The following MAPK6 variants were observed in gnomAD, a reference collection of about 807,000 sequenced individuals.
MAPK6 encodes ERK-3.
Under a neutral mutation model 59.3 loss-of-function variants are expected in MAPK6, and 19 were observed. That is an observed-to-expected ratio of 0.32 (90% CI 0.22 to 0.47). MAPK6 has a LOEUF of 0.47. Ranked by LOEUF, MAPK6 falls within the 20% of genes least tolerant of loss-of-function variation. MAPK6 has a pLI of 1.00. For synonymous variants in MAPK6, 316 were observed against 290.3 expected (o/e 1.09, Z -0.90); for missense variants, 724 against 847.9 (o/e 0.85, Z 1.81).
chr15:52,059,664 A>C (rs2032120223), intron 4 of MAPK6, among the ~76,000 whole-genome samples: 2 of 152,174 alleles, frequency 1.3e-5, no homozygotes, highest in African/African-American at 4.8e-5. Context: ...TCGTACCCTC[A>C]TTAGGGTGGG....
intron 2 of MAPK6, among the ~76,000 whole-genome samples, chr15:52,000,634 C>T (rs965505903): frequency 2.6e-5 from 4 of 151,980 alleles, no homozygotes; most frequent in African/African-American, 9.7e-5. Flanking sequence ...GGTGAAACTC[C>T]GTCTCTACTG....
chr15:51,987,946 A>G (rs942640986), intron 2 of MAPK6, among the ~76,000 whole-genome samples: 1 of 151,942 alleles, frequency 6.6e-6, no homozygotes, highest in African/African-American at 2.4e-5. Context: ...TTGTATTTTT[A>G]GTAGAGACAG....
At chr15:52,023,972 A>T (rs1365649026) in intron 1 of MAPK6, among the ~76,000 whole-genome samples, 1 of 152,228 alleles carries the variant, frequency 6.6e-6, no homozygotes, top group African/African-American at 2.4e-5. Flanking sequence ...ATTTCTAAAA[A>T]ATTGTTCAGA....
chr15:51,977,939 G>A (rs2057161987), intron 1 of MAPK6, among the ~76,000 whole-genome samples: 1 of 151,752 alleles, frequency 6.6e-6, no homozygotes, highest in South Asian at 2.1e-4. Context: ...ACCATAAATG[G>A]GTGCTGTGGC....
At chr15:52,034,246 A>G (rs1290240025) in intron 1 of MAPK6, among the ~76,000 whole-genome samples, 2 of 151,546 alleles carry the variant, frequency 1.3e-5, no homozygotes, top group African/African-American at 4.9e-5. Context: ...CAGCCTCCCA[A>G]AGTGCTGGGA....
chr15:52,007,751 T>C (rs1467168647), intron 3 of MAPK6, among the ~76,000 whole-genome samples: 3 of 151,076 alleles, frequency 2.0e-5, no homozygotes, highest in Non-Finnish European at 4.4e-5. Context: ...CAAAATGACA[T>C]AATTTCTATT....
chr15:51,991,645 G>T (rs1004159377), intron 2 of MAPK6, among the ~76,000 whole-genome samples: 1 of 152,170 alleles, frequency 6.6e-6, no homozygotes, highest in Admixed American at 6.5e-5. Flanking sequence ...ATCAGAAAAG[G>T]CTATGTCATA....
intron 2 of MAPK6, among the ~76,000 whole-genome samples, chr15:52,002,337 A>G (rs1028421499): frequency 2.6e-5 from 4 of 152,172 alleles, no homozygotes; most frequent in Non-Finnish European, 5.9e-5. Context: ...TCTGGGTTCC[A>G]TCTATTACCA....
At chr15:52,011,510 G>A (rs2030057388) in intron 3 of MAPK6, 1 of 152,248 alleles carries the variant, frequency 6.6e-6, no homozygotes, top group Non-Finnish European at 1.5e-5. Context: ...TCAGGCATGA[G>A]TTACAGTGCT....
At chr15:52,051,592 G>T (rs2031783172) in intron 3 of MAPK6, among the ~76,000 whole-genome samples, 1 of 152,112 alleles carries the variant, frequency 6.6e-6, no homozygotes, top group African/African-American at 2.4e-5. Flanking sequence ...TAAAATTTCT[G>T]TCTGGGCTCA....
intron 4 of MAPK6, 132 bp downstream of exon 4, chr15:52,058,929 G>A (rs189527555): frequency 2.0e-5 from 12 of 610,164 alleles, no homozygotes; most frequent in South Asian, 1.1e-4. Flanking sequence ...TAAGGTGTAC[G>A]TAAAACTTCA....
intron 1 of MAPK6, among the ~76,000 whole-genome samples, chr15:51,980,015 C>T (rs2057168531): frequency 6.6e-6 from 1 of 151,738 alleles, no homozygotes; most frequent in Non-Finnish European, 1.5e-5. Context: ...AGTAGAAGGG[C>T]CGGGCGCGGT....
In MAPK6 at chr15:52,061,325, A is replaced by T; in HGVS notation, c.892A>T (p.Thr298Ser). ...ACTGGATTTCCTGGAACAAATTTTGACATTTAGCCCCATGGATCGGTTAAC... is the reference window on the plus strand; with the variant it reads ...ACTGGATTTCCTGGAACAAATTTTGTCATTTAGCCCCATGGATCGGTTAAC... ...EALDFLEQIL[T>S]FSPMDRLTAE... Residue 298 changes from threonine to serine, a missense_variant, in exon 5 of 6, where the codon ACA (threonine) becomes TCA (serine). This residue lies in a region of MAPK6 where 502 missense variants were observed against 507.6 expected (regional missense o/e 0.99). Coordinates refer to ENST00000261845, the MANE Select transcript of MAPK6 (RefSeq NM_002748.4). The T allele has an allele frequency of 1.2e-6, 2 of 1,614,064 alleles. No homozygotes were observed. Among genetic ancestry groups the T allele is most frequent in the Non-Finnish European group, 1.7e-6 (2 of 1,179,948 alleles).
chr15:52,054,747 C>CAG (rs2031905162), intron 3 of MAPK6, among the ~76,000 whole-genome samples: 1 of 149,954 alleles, frequency 6.7e-6, no homozygotes, highest in Non-Finnish European at 1.5e-5. Context: ...CACACACACA[C>CAG]ACATATACAC....
At chr15:52,009,636 T>C (rs1433837865) in intron 3 of MAPK6, among the ~76,000 whole-genome samples, 1 of 152,226 alleles carries the variant, frequency 6.6e-6, no homozygotes, top group Non-Finnish European at 1.5e-5. Flanking sequence ...TTTATAAAAT[T>C]ATTCCAATAG....
rs2032350956 is a variant in MAPK6 at position 52,064,841 on chromosome 15, C to CT, written c.2010dup (p.Asn671Ter). On this transcript the variant is annotated frameshift_variant, in exon 6 of 6. Transcript: ENST00000261845. LOFTEE classifies it high-confidence loss of function. ...TTCTGAACAACAGTGGGGAGTTCCTCTTTAACAAGCAGCTCGAGTCCATAG... is the reference window on the plus strand; with the variant it reads ...TTCTGAACAACAGTGGGGAGTTCCTCTTTTAACAAGCAGCTCGAGTCCATAG... 2.5e-6 allele frequency: 4 copies of CT among 1,611,858 alleles called. No homozygotes were observed. Among genetic ancestry groups the CT allele is most frequent in the Non-Finnish European group, 8.5e-7 (1 of 1,179,860 alleles).
At chr15:52,043,149 G>A (rs143394818) in intron 1 of MAPK6, among the ~76,000 whole-genome samples, 22 of 152,042 alleles carry the variant, frequency 1.4e-4, no homozygotes, top group Non-Finnish European at 3.1e-4. Flanking sequence ...AAACAAACTG[G>A]TTTTCCTAGG....
intron 4 of MAPK6, among the ~76,000 whole-genome samples, chr15:52,061,096 T>C (rs1308927795): frequency 6.6e-6 from 1 of 152,190 alleles, no homozygotes; most frequent in Non-Finnish European, 1.5e-5. Context: ...TCTGACAAAT[T>C]AACTTTTTAA....
intron 1 of MAPK6, among the ~76,000 whole-genome samples, chr15:52,020,324 C>G (rs976203522): frequency 2.0e-5 from 3 of 152,122 alleles, no homozygotes; most frequent in African/African-American, 7.2e-5. Context: ...TGATTCCTTT[C>G]CTGTTTTATT....
Sources: allele counts gnomAD v4.1 joint callset (sites outside exome capture counted in the v4.1 genomes callset), GRCh38; gene constraint gnomAD v4.1.1; regional missense constraint gnomAD v4.1.1; transcripts MANE v1.5; gene names NCBI Gene and HGNC (gene_info 2026-07-23, HGNC 2026-07-21).